KLF5: variants seen among roughly 807,000 people sequenced by gnomAD.
The protein encoded by KLF5 is Krueppel-like factor 5.
A neutral mutation model predicts 36.9 loss-of-function variants in KLF5; 9 were observed. The ratio of observed to expected loss-of-function variants is 0.24; its 90% CI spans 0.15 to 0.43. The LOEUF (loss-of-function observed/expected upper bound fraction) is 0.43, where lower values mean the gene tolerates loss of function less well. Ranked by LOEUF, KLF5 falls within the 20% of genes least tolerant of loss-of-function variation. The probability of loss-of-function intolerance (pLI) is 1.00; values close to 1 mark genes in which losing one functional copy is unlikely to be tolerated. For synonymous variants in KLF5, 246 were observed against 241.7 expected (o/e 1.02, Z -0.17); for missense variants, 524 against 599.5 (o/e 0.87, Z 1.31).
chr13:73,075,515 AG>A (rs2044753197), intron 3 of KLF5, among the ~76,000 whole-genome samples, 192 bp from the exon 4 acceptor site: 1 of 152,116 alleles, frequency 6.6e-6, no homozygotes, highest in Admixed American at 6.5e-5. Context: ...AAATACTTGG[AG>A]GTTATAAGAA....
At chr13:73,056,469 C>T (rs1297711816), upstream of KLF5, among the ~76,000 whole-genome samples, 1 of 152,230 alleles carries the variant, frequency 6.6e-6, no homozygotes, top group Non-Finnish European at 1.5e-5. Context: ...TTCACACTGT[C>T]TGGCTTCAAG....
intron 3 of KLF5, among the ~76,000 whole-genome samples, chr13:73,071,021 C>T (rs2044718727): frequency 6.6e-6 from 1 of 152,178 alleles, no homozygotes; most frequent in Non-Finnish European, 1.5e-5. Context: ...TTTCAAGATG[C>T]ATTAGGGAAA....
chr13:73,066,889 C>T (rs985609433), intron 3 of KLF5, among the ~76,000 whole-genome samples: 3 of 152,102 alleles, frequency 2.0e-5, no homozygotes, highest in Non-Finnish European at 4.4e-5. Context: ...TTAGACAATA[C>T]TGGAAACATT....
chr13:73,073,284 C>G (rs2044735289), intron 3 of KLF5, among the ~76,000 whole-genome samples: 1 of 152,066 alleles, frequency 6.6e-6, no homozygotes, highest in Non-Finnish European at 1.5e-5. Context: ...AGAAACTGCC[C>G]CAAGTGGGGG....
rs1469709973 is a variant in KLF5 at position 73,076,012 on chromosome 13, A to G, written c.*126A>G. 1.3e-6 allele frequency: 1 copy of G among 794,570 alleles called. No homozygotes were observed. The highest frequency in any genetic ancestry group is 1.8e-6 in the Non-Finnish European group (1 of 542,028). 49.2% of individuals were successfully genotyped at this position (794,570 alleles called of 1,614,324 possible). A position where few individuals can be genotyped will look rare whatever the true frequency, so the allele number is the denominator to read the frequency against. On this transcript the variant is annotated 3_prime_UTR_variant, in exon 4 of 4. Transcript: ENST00000377687. ...ACCACAACTAAAACTGGAAATGTATATTTTGTATATTTGAGAAAACAGGGA... is the reference window on the plus strand; with the variant it reads ...ACCACAACTAAAACTGGAAATGTATGTTTTGTATATTTGAGAAAACAGGGA...
intron 3 of KLF5, among the ~76,000 whole-genome samples, chr13:73,073,148 A>T (rs2044734129): frequency 6.6e-6 from 1 of 152,204 alleles, no homozygotes; most frequent in African/African-American, 2.4e-5. Flanking sequence ...GGTTTCCCAG[A>T]AGTACTGTGC....
chr13:73,069,141 TA>T (rs1158619920), intron 3 of KLF5, among the ~76,000 whole-genome samples: 1 of 152,006 alleles, frequency 6.6e-6, no homozygotes, highest in Admixed American at 6.6e-5. Context: ...ATATTGACAA[TA>T]AAGATATTTT....
chr13:73,071,881 C>G (rs1242010696), intron 3 of KLF5, among the ~76,000 whole-genome samples: 1 of 152,092 alleles, frequency 6.6e-6, no homozygotes, highest in Non-Finnish European at 1.5e-5. Context: ...AGGCCAGAAA[C>G]CAAGTCTTAT....
chr13:73,075,799 C>G lies in KLF5; in HGVS notation c.1287C>G (p.Gly429=), dbSNP rs752481301. ...CCCGCCACTACCGGAAGCACACAGG[C>G]GCCAAGCCCTTCCAGTGCGGGGTGT... ...ELTRHYRKHT[G]AKPFQCGVCN... is the part of the protein sequence containing the mutation. The change falls in exon 4 of 4, where the codon GGC becomes GGG. Residue 429 remains glycine, a synonymous_variant. Coordinates refer to ENST00000377687, the MANE Select transcript of KLF5 (RefSeq NM_001730.5). 1 of 1,613,532 alleles carries G rather than the reference C, an allele frequency of 6.2e-7. No homozygotes were observed. Among genetic ancestry groups the G allele is most frequent in the Admixed American group, 1.7e-5 (1 of 59,986 alleles).
chr13:73,075,698 G>C lies in KLF5; in HGVS notation c.1196-10G>C, dbSNP rs144505256. The C allele has an allele frequency of 3.7e-5, 58 of 1,568,024 alleles. No individual in the cohort carries two copies. The highest frequency in any genetic ancestry group is 5.0e-5 in the Non-Finnish European group (57 of 1,144,890). ...GCAGGCCGCTTTACCTCCTTTGTTCGTTGTCACAGGTGAAAAGCCATACAA... is the reference window on the plus strand; with the variant it reads ...GCAGGCCGCTTTACCTCCTTTGTTCCTTGTCACAGGTGAAAAGCCATACAA... On this transcript the variant is annotated splice_polypyrimidine_tract_variant and intron_variant, in intron 3 of 3. Transcript: ENST00000377687.
chr13:73,055,905 C>T (rs902019601), upstream of KLF5, among the ~76,000 whole-genome samples: 3 of 152,024 alleles, frequency 2.0e-5, no homozygotes, highest in Non-Finnish European at 2.9e-5. Context: ...TACTCTATAC[C>T]TCTTAATTTC....
At chr13:73,064,580 T>A (rs1418727482) in intron 3 of KLF5, among the ~76,000 whole-genome samples, 1 of 152,226 alleles carries the variant, frequency 6.6e-6, no homozygotes, top group Admixed American at 6.5e-5. Flanking sequence ...AGTCTTGCTC[T>A]GTTGCCAGGC....
chr13:73,072,622 G>A (rs1222431736), intron 3 of KLF5, among the ~76,000 whole-genome samples: 1 of 152,228 alleles, frequency 6.6e-6, no homozygotes, highest in African/African-American at 2.4e-5. Flanking sequence ...GGCAGACCAG[G>A]ATTCTTAATG....
At chr13:73,067,135 A>G (rs1233315584) in intron 3 of KLF5, among the ~76,000 whole-genome samples, 1 of 152,192 alleles carries the variant, frequency 6.6e-6, no homozygotes, top group Non-Finnish European at 1.5e-5. Flanking sequence ...ACAGCATTTA[A>G]ATGAACATTG....
Position 73,059,454 on chromosome 13 carries a change from G to T in KLF5, c.127G>T (p.Ala43Ser). 1 of 1,281,088 alleles carries T rather than the reference G, an allele frequency of 7.8e-7. No individual in the cohort carries two copies. The highest frequency in any genetic ancestry group is 9.9e-7 in the Non-Finnish European group (1 of 1,014,352). The allele number at this position is 1,281,088 out of a possible 1,614,324, so 79.4% of individuals were successfully genotyped here. A position where few individuals can be genotyped will look rare whatever the true frequency, so the allele number is the denominator to read the frequency against. The change falls in exon 1 of 4, where the codon GCG becomes TCG. Residue 43 changes from alanine to serine, a missense_variant. Physicochemically the swap from Ala to Ser is moderately conservative, Grantham distance 99. Around this residue, in one of 4 missense-constraint regions of KLF5, gnomAD observed 454 missense variants for 458.1 expected, o/e 0.99. Transcript: ENST00000377687. ...GGGCGCCGCGAATCCGGCCCGCGAC[G>T]CGGCGCTCTTCCCCGGCGAGGAGCT... ...VLGAANPARD[A>S]ALFPGEELKH...
chr13:73,075,604 C>G (rs1038853225), intron 3 of KLF5, 104 bp from the exon 4 acceptor site: 4 of 977,080 alleles, frequency 4.1e-6, no homozygotes, highest in African/African-American at 3.3e-5. Flanking sequence ...TTCCTTCTTT[C>G]GCTTGGCCAA....
chr13:73,062,580 C>G lies in KLF5; in HGVS notation c.981C>G (p.Ser327=). Reference sequence around the variant, plus strand: ...TCCAGAATTTAACCCCACCTCCATCCTATGCTGCTACAATTGCTTCTAAAC... The same window carrying G: ...TCCAGAATTTAACCCCACCTCCATCGTATGCTGCTACAATTGCTTCTAAAC... ...EMLQNLTPPP[S]YAATIASKLA... is the part of the protein sequence containing the mutation. Residue 327 remains serine (S), a synonymous_variant, in exon 2 of 4, where the codon TCC becomes TCG. Coordinates refer to ENST00000377687, the MANE Select transcript of KLF5 (RefSeq NM_001730.5). The G allele has an allele frequency of 6.2e-7, 1 of 1,614,262 alleles. No homozygotes were observed. Among genetic ancestry groups the G allele is most frequent in the Non-Finnish European group, 8.5e-7 (1 of 1,180,050 alleles).
At chr13:73,064,560 T>C (rs1253021803) in intron 3 of KLF5, among the ~76,000 whole-genome samples, 1 of 152,240 alleles carries the variant, frequency 6.6e-6, no homozygotes, top group African/African-American at 2.4e-5. Context: ...AGTCACTTTT[T>C]TTGAGATGGA....
rs758109296 is a variant in KLF5 at position 73,062,203 on chromosome 13, G to C, written c.604G>C (p.Glu202Gln). The change falls in exon 2 of 4, where the codon GAG (glutamate) becomes CAG (glutamine). Residue 202 changes from glutamate to glutamine, a missense_variant. Physicochemically the swap from Glu to Gln is conservative, Grantham distance 29. Transcript: ENST00000377687. ...CAGCTCACACCAGACCGCAGCTCCA[G>C]AGGTGAACAATATTTTCATCAAACA... ...IFSSHQTAAP[E>Q]VNNIFIKQEL... The C allele has an allele frequency of 1.2e-6, 2 of 1,614,104 alleles. No individual in the cohort carries two copies. The highest frequency in any genetic ancestry group is 1.7e-5 in the Admixed American group (1 of 60,006).
Sources: allele counts gnomAD v4.1 joint callset (sites outside exome capture counted in the v4.1 genomes callset), GRCh38; gene constraint gnomAD v4.1.1; regional missense constraint gnomAD v4.1.1; transcripts MANE v1.5; gene names NCBI Gene and HGNC (gene_info 2026-07-23, HGNC 2026-07-21).